Variants in MRPL48 observed in about 807,000 individuals in gnomAD.
MRPL48 encodes the protein mitochondrial ribosomal protein L48.
In MRPL48, 16 loss-of-function variants were observed where a neutral mutation model predicts 32.9. The observed-to-expected ratio is 0.49, with a 90% CI of 0.33 to 0.74. The LOEUF is 0.74. Ranked by LOEUF, MRPL48 falls within the 30% of genes least tolerant of loss-of-function variation. The probability of loss-of-function intolerance (pLI) is 0.02; values close to 1 mark genes in which losing one functional copy is unlikely to be tolerated. For missense variants in MRPL48, 206 were observed against 245.3 expected, an observed-to-expected ratio of 0.84 and a Z score of 1.07; for synonymous variants, 94 against 89.2, an observed-to-expected ratio of 1.05 and a Z score of -0.31.
At chr11:73,850,653 C>T (rs547611526) in intron 5 of MRPL48, 9 of 301,558 alleles carry the variant, frequency 3.0e-5, no homozygotes, top group Non-Finnish European at 5.1e-5. Context: ...AGGTTTTTTA[C>T]TACTTCTGAG....
intron 3 of MRPL48, among the ~76,000 whole-genome samples, chr11:73,823,654 GTTTTT>G (rs57616234): frequency 9.5e-6 from 1 of 105,686 alleles, no homozygotes; most frequent in Non-Finnish European, 1.9e-5. Context: ...TTTCTTTTCT[GTTTTT>G]TTTTTTTTTT....
In MRPL48 at chr11:73,807,284, G is replaced by A. The variant is rs191363899; in HGVS notation, c.75-1029G>A. Among the ~76,000 whole-genome samples, 6 of 152,256 alleles carry A rather than the reference G, an allele frequency of 3.9e-5. No homozygotes were observed. In the East Asian group the frequency reaches 9.6e-4, roughly 24 times the overall value. On this transcript the variant is annotated intron_variant, in intron 2 of 7. Transcript: ENST00000310614. ...TGACAGCCACAGGATATAAAATAAT[G>A]TATTGTACATCTTCCCGAACTACTC...
chr11:73,834,540 G>GT lies in MRPL48; in HGVS notation c.201+8755dup, dbSNP rs534340872. Among the ~76,000 whole-genome samples the GT allele has an allele frequency of 3.3e-3, 402 of 121,306 alleles. 5 individuals carry two copies. Among genetic ancestry groups the GT allele is most frequent in the African/African-American group, 8.7e-3 (271 of 31,284 alleles). 79.6% of individuals were successfully genotyped at this position (121,306 alleles called of 152,430 possible). A position where few individuals can be genotyped will look rare whatever the true frequency, so the allele number is the denominator to read the frequency against. Reference sequence around the variant, plus strand: ...TTTGTTTTTGCTGGTTTTTTTTTTTGTTTTTTTTTTTGAGACGGAGTCTCG... The same window carrying GT: ...TTTGTTTTTGCTGGTTTTTTTTTTTGTTTTTTTTTTTTGAGACGGAGTCTCG... On this transcript the variant is annotated intron_variant, in intron 4 of 7. Transcript: ENST00000310614.
At chr11:73,837,431 T>C (rs1339540830) in intron 4 of MRPL48, among the ~76,000 whole-genome samples, 1 of 152,210 alleles carries the variant, frequency 6.6e-6, no homozygotes, top group East Asian at 1.9e-4. Context: ...CTAAGATCCT[T>C]TCTGGCTGTA....
At chr11:73,805,208 G>T in intron 2 of MRPL48, 129 bp downstream of exon 2, 2 of 689,706 alleles carry the variant, frequency 2.9e-6, no homozygotes, top group East Asian at 2.9e-5. Context: ...CTGCCACCTT[G>T]CTCCTTCCCC....
rs924384610 is a variant in MRPL48 at position 73,787,952 on chromosome 11, A to C, written c.-20A>C. ...TCCGGTCTTCGGTTTGCACAGCTAGAGGCCGCGCAGCAGCAAAGGATGAGC... is the reference window on the plus strand; with the variant it reads ...TCCGGTCTTCGGTTTGCACAGCTAGCGGCCGCGCAGCAGCAAAGGATGAGC... On this transcript the variant is annotated 5_prime_UTR_variant, in exon 1 of 8. Transcript: ENST00000310614. 2.1e-5 allele frequency: 34 copies of C among 1,612,606 alleles called. No homozygotes were observed. Among genetic ancestry groups the C allele is most frequent in the Non-Finnish European group, 2.9e-5 (34 of 1,179,348 alleles).
chr11:73,825,669 CA>C (rs1947874266), intron 3 of MRPL48, 38 bp from the exon 4 acceptor site: 1 of 1,518,104 alleles, frequency 6.6e-7, no homozygotes, highest in South Asian at 1.2e-5. Flanking sequence ...ATAATAGCAA[CA>C]ACAAAAAAAC....
At chr11:73,851,170 A>G in intron 5 of MRPL48, 4 of 440,584 alleles carry the variant, frequency 9.1e-6, no homozygotes, top group South Asian at 6.7e-5. Flanking sequence ...GAACTGGGCA[A>G]ACTCCTCCCA....
Position 73,825,768 on chromosome 11 carries a change from A to G in MRPL48, c.173A>G (p.Lys58Arg), listed in dbSNP as rs1328717847. Residue 58 changes from lysine (K) to arginine (R), a missense_variant, in exon 4 of 8, where the codon AAG becomes AGG. Coordinates refer to ENST00000310614, the MANE Select transcript of MRPL48 (RefSeq NM_016055.6). ...ACAAAGCCCACCCACGGCATTGGAAAGTACAAGCACTTAATTAAAGCAGAA... is the reference window on the plus strand; with the variant it reads ...ACAAAGCCCACCCACGGCATTGGAAGGTACAAGCACTTAATTAAAGCAGAA... Reference protein sequence around the residue: ...YKTKPTHGIGKYKHLIKAEEP... With the variant: ...YKTKPTHGIGRYKHLIKAEEP... 6.4e-7 allele frequency: 1 copy of G among 1,568,512 alleles called. No individual in the cohort carries two copies. Among genetic ancestry groups the G allele is most frequent in the Non-Finnish European group, 8.6e-7 (1 of 1,156,720 alleles).
At chr11:73,829,086 G>GTC (rs1947949850) in intron 4 of MRPL48, among the ~76,000 whole-genome samples, 1 of 152,078 alleles carries the variant, frequency 6.6e-6, no homozygotes, top group African/African-American at 2.4e-5. Flanking sequence ...GCTTAATGCC[G>GTC]TCTGTCCCCA....
chr11:73,805,655 CT>C (rs147763203), intron 2 of MRPL48, among the ~76,000 whole-genome samples: 477 of 132,232 alleles, frequency 3.6e-3, no homozygotes, highest in East Asian at 4.4e-3. Flanking sequence ...TAAACAGAAC[CT>C]TTTTTTTTTT....
chr11:73,825,835 G>A, intron 4 of MRPL48, 39 bp downstream of exon 4: 1 of 1,497,014 alleles, frequency 6.7e-7, no homozygotes, highest in South Asian at 1.2e-5. Context: ...AGGATAATGT[G>A]CAGCTTTTGC....
At chr11:73,815,885 G>C (rs957451842) in intron 3 of MRPL48, among the ~76,000 whole-genome samples, 4 of 146,962 alleles carry the variant, frequency 2.7e-5, no homozygotes, top group African/African-American at 9.9e-5. Context: ...CACCATGCTT[G>C]ACTTTTATTT....
At position 73,844,871 on chromosome 11, in the gene MRPL48, G is replaced by A; in HGVS notation, c.266G>A (p.Gly89Glu). 5.6e-6 allele frequency: 9 copies of A among 1,613,700 alleles called. No homozygotes were observed. The highest frequency in any genetic ancestry group is 7.6e-6 in the Non-Finnish European group (9 of 1,179,722). Reference protein sequence around the residue: ...AINLGTDYEYGVLNIHLTAYD... With the variant: ...AINLGTDYEYEVLNIHLTAYD... ...AATTTGGGGACAGATTATGAATATG[G>A]GGTTTTAAATATTCATCTGACTGCA... Residue 89 changes from glycine to glutamate, a missense_variant, in exon 5 of 8, where the codon GGG (glycine) becomes GAG (glutamate). By Grantham distance (98) the Gly-to-Glu change is moderately conservative. Transcript: ENST00000310614.
chr11:73,815,713 C>G (rs1047451589), intron 3 of MRPL48, among the ~76,000 whole-genome samples: 9 of 151,738 alleles, frequency 5.9e-5, no homozygotes, highest in Non-Finnish European at 1.3e-4. Flanking sequence ...AAAATAGAGA[C>G]TAGGCCTTCT....
chr11:73,790,195 G>A (rs111444486), intron 1 of MRPL48, among the ~76,000 whole-genome samples: 21,248 of 147,268 alleles, frequency 0.14, 1,536 homozygotes, highest in Admixed American at 0.17. Context: ...TCAGCCTCCT[G>A]AGTAGCTGGG....
intron 5 of MRPL48, chr11:73,845,275 A>G (rs1157855088): frequency 4.3e-6 from 1 of 233,752 alleles, no homozygotes; most frequent in African/African-American, 2.3e-5. Context: ...CACAGTATGT[A>G]GCTGTTTGTG....
Position 73,825,070 on chromosome 11 carries a change from T to A in MRPL48, c.113-638T>A, listed in dbSNP as rs368471549. Among the ~76,000 whole-genome samples, 29 of 152,340 alleles carry A rather than the reference T, an allele frequency of 1.9e-4. No homozygotes were observed. The East Asian group carries it at 3.5e-3, about 18-fold the overall frequency. On this transcript the variant is annotated intron_variant, in intron 3 of 7. Transcript: ENST00000310614. ...AGGTTTTAATATAGTTATTGTATGT[T>A]AAGGAAATTAGCATTTCTCTGTTAC...
At chr11:73,807,974 TTC>T (rs1335270257) in intron 2 of MRPL48, among the ~76,000 whole-genome samples, 4 of 152,134 alleles carry the variant, frequency 2.6e-5, no homozygotes, top group African/African-American at 9.7e-5. Flanking sequence ...TCAAAATAGT[TTC>T]ACCTCCCTAG....
Sources: gnomAD v4.1 joint callset for allele counts (sites outside exome capture counted in the v4.1 genomes callset) on GRCh38, gnomAD v4.1.1 for gene constraint, MANE v1.5 for transcripts, NCBI Gene and HGNC (gene_info 2026-07-23, HGNC 2026-07-21) for gene names.